The following MVB12B variants were observed in gnomAD, a reference collection of about 807,000 sequenced individuals.
The protein encoded by MVB12B is multivesicular body subunit 12B, also known as ESCRT-I complex subunit MVB12B.
MVB12B carries 16 observed loss-of-function variants against 41.6 expected under a neutral mutation model. The ratio of observed to expected loss-of-function variants is 0.38; its 90% confidence interval spans 0.26 to 0.58. The LOEUF (loss-of-function observed/expected upper bound fraction) is 0.58. MVB12B is among the 20% of genes least tolerant of loss of function. The pLI is 0.62. For missense variants in MVB12B, 274 were observed against 380.2 expected (o/e 0.72, Z 2.32); for synonymous variants, 133 against 139.7 (o/e 0.95, Z 0.34).
intron 9 of MVB12B, among the ~76,000 whole-genome samples, chr9:126,493,871 CA>C (rs1296042690): frequency 1.3e-5 from 2 of 152,114 alleles, no homozygotes; most frequent in African/African-American, 4.8e-5. Context: ...GATGGCTTTC[CA>C]GCTGCATTTC....
rs549800780 is a variant in MVB12B at position 126,369,384 on chromosome 9, AAT to A, written c.205-11679_205-11678del. Among the ~76,000 whole-genome samples, 847 of 152,360 alleles carry A rather than the reference AAT, an allele frequency of 5.6e-3. 11 individuals are homozygous for A. Among genetic ancestry groups the A allele is most frequent in the Non-Finnish European group, 8.3e-3 (562 of 68,034 alleles). ...GAAAAGTATAGGGAACAATGTAGCAAATGTCTATGTATCCACCATGCAGCTCT... is the reference window on the plus strand; with the variant it reads ...GAAAAGTATAGGGAACAATGTAGCAAGTCTATGTATCCACCATGCAGCTCT... On this transcript the variant is annotated intron_variant, in intron 2 of 9. Transcript: ENST00000361171.
Position 126,480,965 on chromosome 9 carries a change from C to T in MVB12B, c.758-404C>T, listed in dbSNP as rs114501865. ...AGCACCTTAGAGCATGTCTAATGCA[C>T]GTGCTTACTGCCTTCATCTCATTGC... On this transcript the variant is annotated intron_variant, in intron 7 of 9. Transcript: ENST00000361171. The surrounding 1 kb of genome is among the most constrained non-coding windows in gnomAD (Gnocchi z 4.9). 445 of 193,248 alleles carry T rather than the reference C, an allele frequency of 2.3e-3. 3 individuals carry two copies. The highest frequency in any genetic ancestry group is 9.2e-3 in the African/African-American group (392 of 42,638). The allele number at this position is 193,248 out of a possible 1,614,324, so 12.0% of individuals were successfully genotyped here.
At chr9:126,396,824 G>T in intron 6 of MVB12B, 1 of 985,478 alleles carries the variant, frequency 1.0e-6, no homozygotes, top group Non-Finnish European at 1.2e-6. Flanking sequence ...GGCATAAAAA[G>T]ATAGGAATCT....
intron 6 of MVB12B, among the ~76,000 whole-genome samples, chr9:126,420,741 C>T (rs989632946): frequency 1.3e-5 from 2 of 151,982 alleles, no homozygotes; most frequent in African/African-American, 4.8e-5. Flanking sequence ...CAGGGTTTCA[C>T]CATGTTGGCC....
At chr9:126,363,365 A>G (rs995271974) in intron 2 of MVB12B, among the ~76,000 whole-genome samples, 1 of 152,164 alleles carries the variant, frequency 6.6e-6, no homozygotes, top group Admixed American at 6.5e-5. Context: ...GTGATTACAA[A>G]CTACCGTGTG....
chr9:126,405,581 G>A lies in MVB12B; in HGVS notation c.662+9884G>A, dbSNP rs554011999. ...GCTGCCAAATAAAGTAAAAATGGGCGTTAAACCAGCGATATTTCCCAGGAT... is the reference window on the plus strand; with the variant it reads ...GCTGCCAAATAAAGTAAAAATGGGCATTAAACCAGCGATATTTCCCAGGAT... On this transcript the variant is annotated intron_variant, in intron 6 of 9. Coordinates refer to ENST00000361171, the MANE Select transcript of MVB12B (RefSeq NM_033446.3). Among the ~76,000 whole-genome samples, 128 of 152,038 alleles carry A rather than the reference G, an allele frequency of 8.4e-4. 1 individual carries two copies. The highest frequency in any genetic ancestry group is 1.2e-3 in the Admixed American group (19 of 15,270).
At chr9:126,494,873 C>T (rs7027798) in intron 9 of MVB12B, among the ~76,000 whole-genome samples, 123 of 150,756 alleles carry the variant, frequency 8.2e-4, no homozygotes, top group African/African-American at 2.7e-3. Context: ...ACCCCACCCC[C>T]CCCCAGGGTT....
chr9:126,344,704 A>G (rs533103876), intron 2 of MVB12B, among the ~76,000 whole-genome samples: 1 of 152,138 alleles, frequency 6.6e-6, no homozygotes, highest in African/African-American at 2.4e-5. Flanking sequence ...TATCCCTAAG[A>G]CTGAGTAGTT....
intron 2 of MVB12B, among the ~76,000 whole-genome samples, chr9:126,345,374 T>C (rs2118839992): frequency 6.6e-6 from 1 of 152,360 alleles, no homozygotes; most frequent in South Asian, 2.1e-4. Context: ...ACAGGAGTCT[T>C]TCTGGCAAAG....
chr9:126,382,713 T>A (rs1010515180), intron 3 of MVB12B, among the ~76,000 whole-genome samples: 2 of 152,206 alleles, frequency 1.3e-5, no homozygotes, highest in Non-Finnish European at 2.9e-5. Flanking sequence ...GATCATTTTT[T>A]AATTTTGTTT....
chr9:126,503,149 GTC>G (rs556308303), intron 9 of MVB12B, 26 bp from the exon 10 acceptor site: 44 of 1,538,564 alleles, frequency 2.9e-5, no homozygotes, highest in Non-Finnish European at 3.7e-5. Flanking sequence ...GACTGACTGT[GTC>G]TCTCTGTCCC....
intron 2 of MVB12B, among the ~76,000 whole-genome samples, chr9:126,359,487 T>G (rs1054108173): frequency 6.6e-6 from 1 of 152,222 alleles, no homozygotes; most frequent in Non-Finnish European, 1.5e-5. Flanking sequence ...TATTATTTAT[T>G]CTGTAAATAT....
In MVB12B at chr9:126,463,273, A is replaced by T. The variant is rs1380403188; in HGVS notation, c.758-18096A>T. Among the ~76,000 whole-genome samples, 4 of 152,128 alleles carry T rather than the reference A, an allele frequency of 2.6e-5. No individual in the cohort carries two copies. The South Asian group carries it at 8.3e-4, about 32-fold the overall frequency. On this transcript the variant is annotated intron_variant, in intron 7 of 9. Coordinates refer to ENST00000361171, the MANE Select transcript of MVB12B (RefSeq NM_033446.3). ...GAGTTCTAAGGGCTCCCATCCTCTC[A>T]CATGCACCATGAGGACTGTCAGCCG...
At chr9:126,467,571 C>T (rs567850630) in intron 7 of MVB12B, among the ~76,000 whole-genome samples, 1 of 152,230 alleles carries the variant, frequency 6.6e-6, no homozygotes, top group Non-Finnish European at 1.5e-5. Flanking sequence ...ATTTTTATAA[C>T]TCTGCCATTT....
rs1443949462 is a variant in MVB12B, at chr9:126,431,603, CT to C, written c.757+9658del. ...AACAGGCGGCCACCTTCCCACTGTGCTTTCCTTCTCTTTTTGGTTTTTAAGC... is the reference window on the plus strand; with the variant it reads ...AACAGGCGGCCACCTTCCCACTGTGCTTCCTTCTCTTTTTGGTTTTTAAGC... On this transcript the variant is annotated intron_variant, in intron 7 of 9. Coordinates refer to ENST00000361171, the MANE Select transcript of MVB12B (RefSeq NM_033446.3). Among the ~76,000 whole-genome samples, 8 of 152,192 alleles carry C rather than the reference CT, an allele frequency of 5.3e-5. No individual in the cohort carries two copies. In the East Asian group the frequency reaches 1.4e-3, roughly 26 times the overall value.
chr9:126,505,744 A>AGGGTGTC lies in MVB12B; in HGVS notation c.*2481_*2482insGGGTGTC, dbSNP rs1834056422. ...CACCTGAGTGGGGCTCGTGCAGGAGAACTGAGGCATGAAACTCTGGCTCAA... is the reference window on the plus strand; with the variant it reads ...CACCTGAGTGGGGCTCGTGCAGGAGAGGGTGTCACTGAGGCATGAAACTCTGGCTCAA... On this transcript the variant is annotated 3_prime_UTR_variant, in exon 10 of 10. Coordinates refer to ENST00000361171, the MANE Select transcript of MVB12B (RefSeq NM_033446.3). 1 of 151,810 alleles carries AGGGTGTC rather than the reference A, an allele frequency of 6.6e-6. No homozygotes were observed. Among genetic ancestry groups the AGGGTGTC allele is most frequent in the African/African-American group, 2.4e-5 (1 of 41,294 alleles). The allele number at this position is 151,810 out of a possible 1,614,324, so 9.4% of individuals were successfully genotyped here.
chr9:126,433,884 G>A (rs1014634614), intron 7 of MVB12B, among the ~76,000 whole-genome samples: 50 of 152,240 alleles, frequency 3.3e-4, no homozygotes, highest in African/African-American at 1.1e-3. Flanking sequence ...AGACAGTAGT[G>A]GCAGGGCATT....
chr9:126,452,161 A>G (rs1767523660), intron 7 of MVB12B, among the ~76,000 whole-genome samples: 1 of 152,230 alleles, frequency 6.6e-6, no homozygotes, highest in Non-Finnish European at 1.5e-5. Flanking sequence ...CCTTCAGCTC[A>G]TGCGTGTGCT....
At chr9:126,418,164 C>T (rs1293567296) in intron 6 of MVB12B, among the ~76,000 whole-genome samples, 1 of 77,778 alleles carries the variant, frequency 1.3e-5, no homozygotes, top group East Asian at 3.6e-4. Flanking sequence ...TGGGAGTTGG[C>T]GGGGTGGGGG....
Sources: gnomAD v4.1 joint callset for allele counts (sites outside exome capture counted in the v4.1 genomes callset) on GRCh38, gnomAD v4.1.1 for gene constraint, Gnocchi (gnomAD v3.1) non-coding constraint, MANE v1.5 for transcripts, NCBI Gene and HGNC (gene_info 2026-07-23, HGNC 2026-07-21) for gene names.